TTC28: variants seen among roughly 807,000 people sequenced by gnomAD.
TTC28 encodes tetratricopeptide repeat domain 28, also known as tetratricopeptide repeat protein 28.
TTC28 carries 61 observed loss-of-function variants against 198.0 expected under a neutral mutation model. That is an observed-to-expected ratio of 0.31 (90% confidence interval 0.25 to 0.38). TTC28 has a LOEUF of 0.38. Among genes scored for constraint, TTC28 ranks in the 10% least tolerant of loss-of-function variants. The pLI is 1.00. For missense variants in TTC28, 2,678 were observed against 3,164.0 expected (o/e 0.85, Z 3.69); for synonymous variants, 1,171 against 1,297.8 (o/e 0.90, Z 2.10).
chr22:28,305,054 T>A (rs1210017073), intron 3 of TTC28, among the ~76,000 whole-genome samples: 1 of 152,036 alleles, frequency 6.6e-6, no homozygotes, highest in Non-Finnish European at 1.5e-5. Context: ...AGTGGTGCGA[T>A]CTCGGCTCAC....
At chr22:28,100,900 T>G (rs1214476264) in intron 9 of TTC28, among the ~76,000 whole-genome samples, 1 of 152,230 alleles carries the variant, frequency 6.6e-6, no homozygotes, top group Admixed American at 6.5e-5. Context: ...TGTCATGAGA[T>G]GAATATAATT....
chr22:28,026,241 G>A (rs1238021836), intron 13 of TTC28, among the ~76,000 whole-genome samples: 1 of 152,170 alleles, frequency 6.6e-6, no homozygotes, highest in African/African-American at 2.4e-5. Flanking sequence ...CCCTCAACGT[G>A]GCAGCAGCTC....
At chr22:28,048,254 T>C (rs1939944048) in intron 12 of TTC28, among the ~76,000 whole-genome samples, 1 of 151,958 alleles carries the variant, frequency 6.6e-6, no homozygotes, top group South Asian at 2.1e-4. Context: ...CTATAAGAGA[T>C]CCCACCAAGT....
At chr22:28,517,133 T>C (rs1310330353) in intron 2 of TTC28, among the ~76,000 whole-genome samples, 1 of 152,148 alleles carries the variant, frequency 6.6e-6, no homozygotes, top group Non-Finnish European at 1.5e-5. Context: ...TATATCAGAC[T>C]GATCAAATTG....
At chr22:28,118,058 T>C (rs1244433315) in intron 6 of TTC28, among the ~76,000 whole-genome samples, 3 of 152,152 alleles carry the variant, frequency 2.0e-5, no homozygotes, top group Admixed American at 1.3e-4. Context: ...TAATCTATAA[T>C]TATATACAAC....
intron 2 of TTC28, among the ~76,000 whole-genome samples, chr22:28,526,276 A>G (rs1267518706): frequency 6.6e-6 from 1 of 152,234 alleles, no homozygotes; most frequent in African/African-American, 2.4e-5. Flanking sequence ...CTTAGATATA[A>G]TTATTCTAAC....
intron 2 of TTC28, among the ~76,000 whole-genome samples, chr22:28,321,989 GC>G (rs1206144246): frequency 2.0e-5 from 3 of 152,002 alleles, no homozygotes; most frequent in Admixed American, 6.6e-5. Context: ...CCACCACCAT[GC>G]CCGGCTAATT....
chr22:28,180,066 CCT>C (rs1923555307), intron 5 of TTC28, among the ~76,000 whole-genome samples: 3 of 152,114 alleles, frequency 2.0e-5, no homozygotes, highest in South Asian at 4.2e-4. Flanking sequence ...AAGAAAACCC[CCT>C]GATTGCAGGG....
At chr22:28,055,155 T>C (rs2146716855) in intron 12 of TTC28, among the ~76,000 whole-genome samples, 1 of 152,324 alleles carries the variant, frequency 6.6e-6, no homozygotes, top group East Asian at 1.9e-4. Flanking sequence ...TAATGTCTAT[T>C]CTTTCATTCA....
chr22:28,452,477 A>T (rs1012012944), intron 2 of TTC28, among the ~76,000 whole-genome samples: 1 of 151,438 alleles, frequency 6.6e-6, no homozygotes, highest in African/African-American at 2.4e-5. Context: ...TCTTTTCTTA[A>T]TCCTCGAGGA....
At chr22:28,057,116 T>C (rs1940320999) in intron 12 of TTC28, among the ~76,000 whole-genome samples, 1 of 152,190 alleles carries the variant, frequency 6.6e-6, no homozygotes, top group African/African-American at 2.4e-5. Flanking sequence ...GTAAAATTCT[T>C]TTTGTGAACA....
At chr22:28,346,298 G>T (rs1190005427) in intron 2 of TTC28, among the ~76,000 whole-genome samples, 1 of 152,110 alleles carries the variant, frequency 6.6e-6, no homozygotes, top group Non-Finnish European at 1.5e-5. Flanking sequence ...GTCAAAACGG[G>T]GTACTAAAGT....
At chr22:28,472,963 A>G (rs2048117825) in intron 2 of TTC28, among the ~76,000 whole-genome samples, 2 of 152,206 alleles carry the variant, frequency 1.3e-5, no homozygotes, top group South Asian at 2.1e-4. Flanking sequence ...AGACTTCTCA[A>G]TAGGAACACT....
chr22:28,027,972 C>T (rs1366330319), intron 13 of TTC28, among the ~76,000 whole-genome samples: 2 of 152,252 alleles, frequency 1.3e-5, no homozygotes, highest in Non-Finnish European at 2.9e-5. Flanking sequence ...CTCTGTGGTT[C>T]CCTCAGCTGT....
intron 2 of TTC28, among the ~76,000 whole-genome samples, chr22:28,425,432 T>A (rs2047335727): frequency 6.6e-6 from 1 of 152,228 alleles, no homozygotes; most frequent in Admixed American, 6.5e-5. Flanking sequence ...TGCCCATTAC[T>A]GTGTCCTTCA....
intron 12 of TTC28, among the ~76,000 whole-genome samples, chr22:28,072,730 G>A (rs1376217879): frequency 6.6e-6 from 1 of 152,196 alleles, no homozygotes; most frequent in African/African-American, 2.4e-5. Context: ...GCTATCAGAA[G>A]AAGAAAGTAA....
intron 14 of TTC28, among the ~76,000 whole-genome samples, chr22:28,004,134 A>C (rs73880367): frequency 1.4e-3 from 213 of 152,310 alleles, no homozygotes; most frequent in African/African-American, 5.0e-3. Flanking sequence ...CGCTGGGCCC[A>C]CCCAGGAGGG....
intron 1 of TTC28, among the ~76,000 whole-genome samples, chr22:28,660,012 C>G (rs1018130791): frequency 6.6e-5 from 10 of 151,940 alleles, no homozygotes; most frequent in Non-Finnish European, 1.5e-4. Flanking sequence ...CCAGGCTGAC[C>G]TTGAACTCCT....
chr22:28,602,981 G>C (rs998463190), intron 2 of TTC28, among the ~76,000 whole-genome samples: 1 of 152,140 alleles, frequency 6.6e-6, no homozygotes, highest in Non-Finnish European at 1.5e-5. Flanking sequence ...CCGGGTTCCA[G>C]CGATTCTCCT....
Sources: allele counts gnomAD v4.1 joint callset (sites outside exome capture counted in the v4.1 genomes callset), GRCh38; gene constraint gnomAD v4.1.1; transcripts MANE v1.5; gene names NCBI Gene and HGNC (gene_info 2026-07-23, HGNC 2026-07-21).